Variants in GLRA1 observed in about 807,000 individuals in gnomAD.
The protein encoded by GLRA1 is glycine receptor alpha 1.
A neutral mutation model predicts 48.3 loss-of-function variants in GLRA1; 37 were observed. The observed-to-expected ratio is 0.77, with a 90% CI of 0.59 to 1.01. GLRA1 has a LOEUF of 1.01. GLRA1 is among the 50% of genes least tolerant of loss of function. The pLI is 0.00. For missense variants in GLRA1, 427 were observed against 571.0 expected (o/e 0.75, Z 2.57); for synonymous variants, 196 against 210.7 (o/e 0.93, Z 0.60).
chr5:151,886,740 G>A lies in GLRA1; in HGVS notation c.233C>T (p.Ser78Phe). 1 of 1,612,538 alleles carries A rather than the reference G, an allele frequency of 6.2e-7. No homozygotes were observed. The highest frequency in any genetic ancestry group is 1.1e-5 in the South Asian group (1 of 91,042). ...ACTCACCATGGTTGTCTCAGCAATG[G>A]AACCAAAGCTGTTGATGAAAATGTT... ...SCNIFINSFG[S>F]IAETTMDYRV... The change falls in exon 3 of 9, where the codon TCC becomes TTC. Residue 78 changes from serine (S) to phenylalanine (F), a missense_variant. Ser to Phe is a radical substitution (Grantham distance 155). Transcript: ENST00000274576.
chr5:151,915,124 T>C (rs1754706414), intron 1 of GLRA1, among the ~76,000 whole-genome samples: 1 of 152,236 alleles, frequency 6.6e-6, no homozygotes, highest in Admixed American at 6.5e-5. Flanking sequence ...GATAGTACTT[T>C]TATAATAGAA....
chr5:151,899,447 A>G (rs963066416), intron 1 of GLRA1, among the ~76,000 whole-genome samples: 1 of 152,130 alleles, frequency 6.6e-6, no homozygotes, highest in Non-Finnish European at 1.5e-5. Flanking sequence ...TTTCTAAATG[A>G]AAAAGAAATG....
At chr5:151,894,519 A>C (rs1342841590) in intron 1 of GLRA1, among the ~76,000 whole-genome samples, 1 of 152,180 alleles carries the variant, frequency 6.6e-6, no homozygotes, top group Non-Finnish European at 1.5e-5. Flanking sequence ...TAGACGCCTC[A>C]GAGCCATCTT....
At chr5:151,830,636 A>G (rs754041129) in intron 7 of GLRA1, among the ~76,000 whole-genome samples, 4 of 152,198 alleles carry the variant, frequency 2.6e-5, no homozygotes, top group Admixed American at 6.5e-5. Flanking sequence ...AGGCTAGGAG[A>G]CTTATAGTTT....
At chr5:151,881,381 A>G (rs1159242300) in intron 3 of GLRA1, among the ~76,000 whole-genome samples, 1 of 146,678 alleles carries the variant, frequency 6.8e-6, no homozygotes, top group East Asian at 2.0e-4. Flanking sequence ...GTGCAGTGGC[A>G]TGATCACAGC....
At chr5:151,853,181 G>A (rs1485621292) in intron 6 of GLRA1, among the ~76,000 whole-genome samples, 1 of 152,156 alleles carries the variant, frequency 6.6e-6, no homozygotes, top group Non-Finnish European at 1.5e-5. Context: ...ACAGCAATGT[G>A]ACTAGAATTA....
chr5:151,827,659 T>C (rs547764679), intron 8 of GLRA1, among the ~76,000 whole-genome samples: 1 of 152,132 alleles, frequency 6.6e-6, no homozygotes, highest in Non-Finnish European at 1.5e-5. Context: ...GACAACTATT[T>C]TGTTTTGTTT....
At chr5:151,916,536 A>G (rs1004824143) in intron 1 of GLRA1, among the ~76,000 whole-genome samples, 6 of 152,232 alleles carry the variant, frequency 3.9e-5, no homozygotes, top group Non-Finnish European at 7.3e-5. Flanking sequence ...AGAAAAAGGA[A>G]GATCATGGTC....
chr5:151,913,322 G>A (rs190660377), intron 1 of GLRA1, among the ~76,000 whole-genome samples: 172 of 152,324 alleles, frequency 1.1e-3, no homozygotes, highest in Middle Eastern at 0.01. Context: ...GCTGGTTGGT[G>A]TGTCTTTTAC....
chr5:151,857,563 G>A (rs56660412), intron 4 of GLRA1, among the ~76,000 whole-genome samples: 7,223 of 152,202 alleles, frequency 0.047, 601 homozygotes, highest in African/African-American at 0.16. Flanking sequence ...CTCATCAAAG[G>A]TTATTTCAAA....
rs281864915 is a variant in GLRA1 at position 151,859,962 on chromosome 5, CG to C, written c.298del (p.Arg100AlafsTer47). The C allele has an allele frequency of 3.5e-5, 56 of 1,613,932 alleles. No homozygotes were observed. The highest frequency in any genetic ancestry group is 4.2e-5 in the Non-Finnish European group (50 of 1,179,990). ...IFLRQQWNDPRLAYNEYPDDS... is the reference protein window; with the variant it reads ...IFLRQQWNDPXLAYNEYPDDS... ...GTCAGGGTATTCATTATAGGCCAGG[CG>C]GGGGTCGTTCCATTGCTGCCGCAGG... is the stretch of plus-strand genomic sequence containing the variant. On this transcript the variant is annotated frameshift_variant, in exon 4 of 9. Transcript: ENST00000274576. LOFTEE classifies it high-confidence loss of function.
intron 7 of GLRA1, among the ~76,000 whole-genome samples, chr5:151,835,863 A>G (rs1312939228): frequency 6.6e-6 from 1 of 152,196 alleles, no homozygotes; most frequent in Non-Finnish European, 1.5e-5. Flanking sequence ...ATATAGAATG[A>G]GCAAAAGCTG....
intron 1 of GLRA1, among the ~76,000 whole-genome samples, chr5:151,905,354 C>G (rs1233134365): frequency 6.6e-6 from 1 of 151,720 alleles, no homozygotes; most frequent in Non-Finnish European, 1.5e-5. Flanking sequence ...TTATTTTTGA[C>G]TGAAGATTCT....
intron 3 of GLRA1, among the ~76,000 whole-genome samples, chr5:151,861,594 A>G (rs1350149971): frequency 6.6e-6 from 1 of 152,110 alleles, no homozygotes; most frequent in Non-Finnish European, 1.5e-5. Context: ...TTGCTTGTAA[A>G]TTTGTTTGAG....
chr5:151,878,870 G>T (rs890378461), intron 3 of GLRA1, among the ~76,000 whole-genome samples: 1 of 152,234 alleles, frequency 6.6e-6, no homozygotes, highest in Non-Finnish European at 1.5e-5. Context: ...CCCTCATGGA[G>T]AACCTCTGCT....
At chr5:151,863,315 AG>A (rs918619839) in intron 3 of GLRA1, among the ~76,000 whole-genome samples, 1 of 152,144 alleles carries the variant, frequency 6.6e-6, no homozygotes, top group African/African-American at 2.4e-5. Flanking sequence ...CCAGCTACTC[AG>A]GAGGCTGAGG....
chr5:151,897,566 T>G (rs1175383439), intron 1 of GLRA1, among the ~76,000 whole-genome samples: 1 of 152,202 alleles, frequency 6.6e-6, no homozygotes. Context: ...GAGACCAAGT[T>G]TTCTATTCCT....
chr5:151,850,525 C>T (rs1752871552), intron 7 of GLRA1: 2 of 1,029,230 alleles, frequency 1.9e-6, no homozygotes, highest in Non-Finnish European at 3.1e-6. Context: ...ACCAGTACCA[C>T]ATCCACGCTT....
At chr5:151,867,460 A>T (rs1245072397) in intron 3 of GLRA1, among the ~76,000 whole-genome samples, 2 of 152,154 alleles carry the variant, frequency 1.3e-5, no homozygotes, top group Admixed American at 1.3e-4. Flanking sequence ...AATCTCATGT[A>T]GAAGGAATAG....
Sources: allele counts gnomAD v4.1 joint callset (sites outside exome capture counted in the v4.1 genomes callset), GRCh38; gene constraint gnomAD v4.1.1; transcripts MANE v1.5; gene names NCBI Gene and HGNC (gene_info 2026-07-23, HGNC 2026-07-21).